The following TMEM117 variants were observed in gnomAD, a reference collection of about 807,000 sequenced individuals.
TMEM117 encodes the protein transmembrane protein 117.
A neutral mutation model predicts 52.4 loss-of-function variants in TMEM117; 27 were observed. The ratio of observed to expected loss-of-function variants is 0.51; its 90% CI spans 0.38 to 0.71. The LOEUF (loss-of-function observed/expected upper bound fraction) is 0.71. Ranked by LOEUF, TMEM117 falls within the 30% of genes least tolerant of loss-of-function variation. The pLI is 0.00. For synonymous variants in TMEM117, 215 were observed against 206.3 expected (o/e 1.04, Z -0.36); for missense variants, 556 against 630.5 (o/e 0.88, Z 1.26).
At chr12:43,944,059 G>T (rs1400858372) in intron 2 of TMEM117, 151 bp from the exon 3 acceptor site, 278 of 599,908 alleles carry the variant, frequency 4.6e-4, no homozygotes, top group Non-Finnish European at 6.1e-5. Flanking sequence ...ACAGCAAAAA[G>T]AACATTATAT....
Position 44,247,685 on chromosome 12 carries a change from G to A in TMEM117, c.608+36298G>A, listed in dbSNP as rs73274117. ...CAGCATCACTAATCACCAGAGCAGC[G>A]CAAACCTTGACCTCTTAATCGGCCC... On this transcript the variant is annotated intron_variant, in intron 5 of 7. Coordinates refer to ENST00000266534, the MANE Select transcript of TMEM117 (RefSeq NM_032256.3). Among the ~76,000 whole-genome samples the A allele has an allele frequency of 6.9e-3, 1,045 of 152,308 alleles. 15 individuals are homozygous for A. Among genetic ancestry groups the A allele is most frequent in the African/African-American group, 0.024 (999 of 41,570 alleles).
the TMEM117 span, among the ~76,000 whole-genome samples, chr12:43,822,120 T>C: frequency 4.5e-3 from 690 of 152,340 alleles, 6 homozygotes; most frequent in African/African-American, 0.015. Flanking sequence ...TCTAGGGTAC[T>C]GAAGATGTAT....
chr12:44,008,073 T>C (rs1397427962), intron 3 of TMEM117, among the ~76,000 whole-genome samples: 3 of 152,190 alleles, frequency 2.0e-5, no homozygotes, highest in Non-Finnish European at 4.4e-5. Flanking sequence ...CCATCCAGTC[T>C]ACATAATGAA....
intron 3 of TMEM117, among the ~76,000 whole-genome samples, chr12:44,029,891 G>T (rs1246262854): frequency 6.6e-6 from 1 of 152,198 alleles, no homozygotes; most frequent in East Asian, 1.9e-4. Context: ...TTCTTGTCTT[G>T]TATGTCCTTG....
chr12:44,034,724 C>T (rs888671251), intron 3 of TMEM117, among the ~76,000 whole-genome samples: 1 of 152,222 alleles, frequency 6.6e-6, no homozygotes, highest in Admixed American at 6.5e-5. Context: ...GAAGGTAATG[C>T]TATTATGAAG....
At chr12:44,073,779 G>A (rs754679553) in intron 3 of TMEM117, 12 of 152,182 alleles carry the variant, frequency 7.9e-5, no homozygotes, top group Non-Finnish European at 1.6e-4. Flanking sequence ...GCAAGTTGAT[G>A]TCCAGTGTTC....
intron 2 of TMEM117, among the ~76,000 whole-genome samples, chr12:43,878,635 A>G (rs1943844583): frequency 6.6e-6 from 1 of 152,210 alleles, no homozygotes; most frequent in Admixed American, 6.5e-5. Context: ...TGTGATTTTG[A>G]TTAAAATTTT....
intron 4 of TMEM117, among the ~76,000 whole-genome samples, chr12:44,191,338 A>G (rs1949350183): frequency 1.3e-5 from 2 of 152,052 alleles, no homozygotes; most frequent in African/African-American, 4.8e-5. Flanking sequence ...GGTCACAGCC[A>G]AACCATGTCT....
intron 4 of TMEM117, among the ~76,000 whole-genome samples, chr12:44,174,181 A>T (rs959538496): frequency 6.6e-6 from 1 of 152,192 alleles, no homozygotes; most frequent in Non-Finnish European, 1.5e-5. Flanking sequence ...CATTTTTTTT[A>T]ACCAAATGTA....
intron 3 of TMEM117, among the ~76,000 whole-genome samples, chr12:44,124,030 A>G (rs539356420): frequency 2.2e-4 from 31 of 141,830 alleles, no homozygotes; most frequent in Middle Eastern, 3.5e-3. Context: ...CTTTCTATCC[A>G]TGAGCATGGA....
At chr12:44,099,170 G>A (rs1481846088) in intron 3 of TMEM117, among the ~76,000 whole-genome samples, 2 of 151,938 alleles carry the variant, frequency 1.3e-5, no homozygotes, top group Non-Finnish European at 2.9e-5. Context: ...GAGATCTTAA[G>A]TATCAACAGC....
At chr12:44,370,740 A>G (rs752050465) in intron 6 of TMEM117, among the ~76,000 whole-genome samples, 1 of 151,884 alleles carries the variant, frequency 6.6e-6, no homozygotes, top group African/African-American at 2.4e-5. Flanking sequence ...GTGGTCTCGA[A>G]CTCCTGAACT....
the TMEM117 span, among the ~76,000 whole-genome samples, chr12:43,807,773 T>C: frequency 6.6e-6 from 1 of 152,214 alleles, no homozygotes; most frequent in Admixed American, 6.5e-5. Flanking sequence ...AGTGCTTATT[T>C]ACTGCCAGTA....
chr12:44,352,937 C>A (rs573653054), intron 6 of TMEM117, among the ~76,000 whole-genome samples: 5 of 152,220 alleles, frequency 3.3e-5, no homozygotes, highest in African/African-American at 1.2e-4. Context: ...TCCTATTTCT[C>A]CACATCCTCT....
chr12:43,899,353 G>T (rs1046101591), intron 2 of TMEM117, among the ~76,000 whole-genome samples: 16 of 152,154 alleles, frequency 1.1e-4, no homozygotes, highest in African/African-American at 3.4e-4. Flanking sequence ...ATTTGTAAAA[G>T]ATTCTGAACT....
chr12:44,229,690 A>G (rs1949908842), intron 5 of TMEM117, among the ~76,000 whole-genome samples: 1 of 152,148 alleles, frequency 6.6e-6, no homozygotes, highest in African/African-American at 2.4e-5. Flanking sequence ...TGATAGAGAC[A>G]ATAGATATGC....
At chr12:44,338,499 A>G (rs748175250) in intron 6 of TMEM117, among the ~76,000 whole-genome samples, 12 of 151,900 alleles carry the variant, frequency 7.9e-5, no homozygotes, top group Non-Finnish European at 1.5e-4. Flanking sequence ...CACGAAAAAG[A>G]TGGTGGAAAA....
chr12:44,213,115 G>C (rs940925842), intron 5 of TMEM117, among the ~76,000 whole-genome samples: 8 of 152,002 alleles, frequency 5.3e-5, no homozygotes, highest in Non-Finnish European at 1.0e-4. Flanking sequence ...ATAATTTAAT[G>C]ATTATAAGAA....
At chr12:44,053,681 A>G (rs955864642) in intron 3 of TMEM117, among the ~76,000 whole-genome samples, 1 of 152,168 alleles carries the variant, frequency 6.6e-6, no homozygotes, top group Admixed American at 6.5e-5. Context: ...GGTATGGTCC[A>G]AAGGGGTTTG....
Sources: allele counts gnomAD v4.1 joint callset (sites outside exome capture counted in the v4.1 genomes callset), GRCh38; gene constraint gnomAD v4.1.1; transcripts MANE v1.5; gene names NCBI Gene and HGNC (gene_info 2026-07-23, HGNC 2026-07-21).